The following CFAP61 variants were observed in gnomAD, a reference collection of about 807,000 sequenced individuals.
The protein encoded by CFAP61 is cilia and flagella associated protein 61, also known as cilia- and flagella-associated protein 61.
CFAP61 carries 107 observed loss-of-function variants against 135.6 expected under a neutral mutation model. The ratio of observed to expected loss-of-function variants is 0.79; its 90% CI spans 0.67 to 0.93. The LOEUF is 0.93. Ranked by LOEUF, CFAP61 falls within the 40% of genes least tolerant of loss-of-function variation. The probability of loss-of-function intolerance (pLI) is 0.00; values close to 1 mark genes in which losing one functional copy is unlikely to be tolerated. For synonymous variants in CFAP61, 575 were observed against 578.5 expected, an observed-to-expected ratio of 0.99 and a Z score of 0.09; for missense variants, 1,507 against 1,556.2, an observed-to-expected ratio of 0.97 and a Z score of 0.53.
chr20:20,135,869 T>C (rs1287836910), intron 8 of CFAP61, among the ~76,000 whole-genome samples: 1 of 152,224 alleles, frequency 6.6e-6, no homozygotes, highest in East Asian at 1.9e-4. Context: ...TGCTTATTAA[T>C]GTCCTTTTCT....
intron 17 of CFAP61, among the ~76,000 whole-genome samples, chr20:20,212,770 G>T (rs148078481): frequency 1.3e-5 from 2 of 152,192 alleles, no homozygotes; most frequent in Non-Finnish European, 2.9e-5. Flanking sequence ...GTTCTGCTTC[G>T]CTGGTTAGGA....
chr20:20,265,550 T>A (rs2052656406), intron 21 of CFAP61: 1 of 774,244 alleles, frequency 1.3e-6, no homozygotes, highest in African/African-American at 1.7e-5. Flanking sequence ...TAAAGCCATT[T>A]GGAGTGCCTG....
chr20:20,296,562 C>A lies in CFAP61; in HGVS notation c.3217-1619C>A, dbSNP rs981315741. Among the ~76,000 whole-genome samples the A allele has an allele frequency of 3.3e-5, 5 of 151,244 alleles. No homozygotes were observed. The East Asian group carries it at 5.8e-4, about 18-fold the overall frequency. ...ATTTGTTCATCAAAAAATCTAGTTC[C>A]TTGCCATGCCACAGCCTGAGTATTT... On this transcript the variant is annotated intron_variant, in intron 24 of 26. Coordinates refer to ENST00000245957, the MANE Select transcript of CFAP61 (RefSeq NM_015585.4).
At chr20:20,315,949 T>G (rs1382507997) in intron 25 of CFAP61, among the ~76,000 whole-genome samples, 1 of 152,206 alleles carries the variant, frequency 6.6e-6, no homozygotes, top group African/African-American at 2.4e-5. Flanking sequence ...AGCCTTGTAG[T>G]ATAGTTTGAA....
At chr20:20,276,635 G>A (rs2053785590) in intron 21 of CFAP61, among the ~76,000 whole-genome samples, 1 of 152,104 alleles carries the variant, frequency 6.6e-6, no homozygotes, top group Admixed American at 6.5e-5. Context: ...TAAAAATCAG[G>A]GTTGAATCTT....
chr20:20,081,656 C>G (rs900817932), intron 6 of CFAP61, among the ~76,000 whole-genome samples: 16 of 152,170 alleles, frequency 1.1e-4, no homozygotes, highest in Admixed American at 9.8e-4. Flanking sequence ...TTCCTACACC[C>G]CTTCCTTCTT....
chr20:20,320,286 AT>A (rs1472970339), intron 25 of CFAP61, among the ~76,000 whole-genome samples: 68 of 135,756 alleles, frequency 5.0e-4, no homozygotes, highest in African/African-American at 1.8e-3. Flanking sequence ...ATTATGATTA[AT>A]TTTTTTAGCA....
At chr20:20,274,860 G>A (rs574863516) in intron 21 of CFAP61, among the ~76,000 whole-genome samples, 6 of 152,176 alleles carry the variant, frequency 3.9e-5, no homozygotes, top group Admixed American at 6.5e-5. Flanking sequence ...GGAAATGAAA[G>A]AACTATAACT....
intron 10 of CFAP61, among the ~76,000 whole-genome samples, chr20:20,160,553 GT>G (rs1447244299): frequency 6.6e-6 from 1 of 152,146 alleles, no homozygotes; most frequent in Non-Finnish European, 1.5e-5. Flanking sequence ...CCCCCATGTG[GT>G]TGTAGGCAGG....
At chr20:20,307,816 C>T (rs867235330) in intron 25 of CFAP61, among the ~76,000 whole-genome samples, 5 of 152,092 alleles carry the variant, frequency 3.3e-5, no homozygotes, top group Admixed American at 6.6e-5. Context: ...AGATGAGAGT[C>T]GATAATGTAC....
chr20:20,098,763 C>G lies in CFAP61; in HGVS notation c.808C>G (p.Pro270Ala), dbSNP rs1199107581. 9 of 1,614,040 alleles carry G rather than the reference C, an allele frequency of 5.6e-6. No homozygotes were observed. The highest frequency in any genetic ancestry group is 7.6e-6 in the Non-Finnish European group (9 of 1,180,004). ...TTTCCACGGACTCTGTTTCCCACAT[C>G]CTGATGACGTTCTGGAATCACCACA... The part of the protein sequence containing the change: ...GPFHGLCFPH[P>A]DDVLESPQDL... The change falls in exon 8 of 27, where the codon CCT (proline) becomes GCT (alanine). Residue 270 changes from proline to alanine, a missense_variant. Pro to Ala is a conservative substitution (Grantham distance 27, BLOSUM62 -1). Coordinates refer to ENST00000245957, the MANE Select transcript of CFAP61 (RefSeq NM_015585.4).
intron 18 of CFAP61, among the ~76,000 whole-genome samples, chr20:20,239,545 C>T (rs766574859): frequency 9.2e-5 from 14 of 152,136 alleles, no homozygotes; most frequent in South Asian, 2.1e-4. Flanking sequence ...TATGCAGAGG[C>T]GATATTTTAA....
intron 6 of CFAP61, among the ~76,000 whole-genome samples, chr20:20,089,721 C>G (rs571371861): frequency 3.5e-4 from 53 of 152,240 alleles, no homozygotes; most frequent in African/African-American, 1.3e-3. Context: ...AGCTAGCCTC[C>G]CCAAGCTGCA....
chr20:20,325,925 T>C (rs2057731604), intron 25 of CFAP61, among the ~76,000 whole-genome samples: 1 of 152,224 alleles, frequency 6.6e-6, no homozygotes, highest in African/African-American at 2.4e-5. Context: ...TGTTTTTAAT[T>C]TGAAATTCCC....
At chr20:20,077,327 A>G (rs564707848) in intron 6 of CFAP61, among the ~76,000 whole-genome samples, 2 of 152,362 alleles carry the variant, frequency 1.3e-5, no homozygotes, top group South Asian at 4.1e-4. Flanking sequence ...AAGCATATAC[A>G]GTACTGCTGA....
In CFAP61 at chr20:20,360,518, C is replaced by A; in HGVS notation, c.*108C>A. 2.0e-6 allele frequency: 2 copies of A among 1,022,418 alleles called. No homozygotes were observed. The highest frequency in any genetic ancestry group is 2.9e-6 in the Non-Finnish European group (2 of 685,698). The allele number at this position is 1,022,418 out of a possible 1,614,324, so 63.3% of individuals were successfully genotyped here. On this transcript the variant is annotated 3_prime_UTR_variant, in exon 27 of 27. Transcript: ENST00000245957. ...AGCCTGGTTTGACAGCGAAGCCAGCCCCTGGTGGTTTTGTTCATTCCTTTC... is the reference window on the plus strand; with the variant it reads ...AGCCTGGTTTGACAGCGAAGCCAGCACCTGGTGGTTTTGTTCATTCCTTTC...
intron 16 of CFAP61, among the ~76,000 whole-genome samples, chr20:20,198,330 C>T (rs2056422128): frequency 1.3e-5 from 2 of 152,126 alleles, no homozygotes; most frequent in African/African-American, 4.8e-5. Flanking sequence ...ATGAAGTTGC[C>T]TGGATGTTCT....
At chr20:20,072,419 C>G (rs925596794) in intron 3 of CFAP61, among the ~76,000 whole-genome samples, 19 of 151,988 alleles carry the variant, frequency 1.3e-4, no homozygotes, top group African/African-American at 4.3e-4. Flanking sequence ...CTGGCCTAAT[C>G]CAGCAATCTT....
intron 17 of CFAP61, among the ~76,000 whole-genome samples, chr20:20,218,167 T>G (rs1270532147): frequency 4.6e-5 from 7 of 152,184 alleles, no homozygotes; most frequent in Non-Finnish European, 8.8e-5. Flanking sequence ...AATCTCAACT[T>G]GAATTATGTC....
Sources: gnomAD v4.1 joint callset for allele counts (sites outside exome capture counted in the v4.1 genomes callset) on GRCh38, gnomAD v4.1.1 for gene constraint, MANE v1.5 for transcripts, NCBI Gene and HGNC (gene_info 2026-07-23, HGNC 2026-07-21) for gene names.